NDST4: variants seen among roughly 807,000 people sequenced by gnomAD.
NDST4 encodes N-deacetylase and N-sulfotransferase 4.
Under a neutral mutation model 100.8 loss-of-function variants are expected in NDST4, and 63 were observed. The ratio of observed to expected loss-of-function variants is 0.62; its 90% CI spans 0.51 to 0.77. NDST4 has a LOEUF of 0.77. NDST4 is among the 30% of genes least tolerant of loss of function. NDST4 has a pLI of 0.00. For synonymous variants in NDST4, 377 were observed against 361.8 expected, an observed-to-expected ratio of 1.04 and a Z score of -0.48; for missense variants, 943 against 1,018.4, an observed-to-expected ratio of 0.93 and a Z score of 1.01.
intron 2 of NDST4, among the ~76,000 whole-genome samples, chr4:115,061,319 C>T (rs1291964133): frequency 6.6e-6 from 1 of 152,110 alleles, no homozygotes; most frequent in Non-Finnish European, 1.5e-5. Flanking sequence ...AAGACACATG[C>T]ATACATATGT....
intron 2 of NDST4, among the ~76,000 whole-genome samples, chr4:115,065,415 A>G: frequency 6.6e-6 from 1 of 152,170 alleles, no homozygotes; most frequent in Non-Finnish European, 1.5e-5. Flanking sequence ...CAAGATAGAT[A>G]GTTCTGGGTT....
intron 2 of NDST4, among the ~76,000 whole-genome samples, chr4:114,981,019 C>T (rs1726757476): frequency 6.6e-6 from 1 of 152,146 alleles, no homozygotes; most frequent in East Asian, 1.9e-4. Context: ...CAAAGCCAGC[C>T]TGGGCAACAT....
chr4:114,908,869 A>G (rs941521031), intron 6 of NDST4, among the ~76,000 whole-genome samples: 10 of 152,176 alleles, frequency 6.6e-5, no homozygotes, highest in Non-Finnish European at 1.3e-4. Flanking sequence ...TCATAATTAT[A>G]GTAAGGAAAA....
At chr4:115,028,297 C>T (rs1482773922) in intron 2 of NDST4, among the ~76,000 whole-genome samples, 1 of 152,076 alleles carries the variant, frequency 6.6e-6, no homozygotes, top group Non-Finnish European at 1.5e-5. Context: ...ACAGGATAAA[C>T]ACTCTTAACA....
chr4:114,917,931 T>C (rs1039050440), intron 6 of NDST4, among the ~76,000 whole-genome samples: 1 of 152,178 alleles, frequency 6.6e-6, no homozygotes, highest in African/African-American at 2.4e-5. Flanking sequence ...ATAAATGTCA[T>C]TTATAAATAA....
chr4:114,869,681 C>T (rs1724106450), intron 7 of NDST4, among the ~76,000 whole-genome samples: 1 of 152,116 alleles, frequency 6.6e-6, no homozygotes, highest in African/African-American at 2.4e-5. Flanking sequence ...CTTAATAAAT[C>T]ATCAGAATAT....
intron 10 of NDST4, among the ~76,000 whole-genome samples, chr4:114,840,021 G>A (rs955885965): frequency 1.3e-5 from 2 of 152,078 alleles, no homozygotes. Flanking sequence ...TGTTTCTTGG[G>A]CCACTGTTCC....
At chr4:115,060,971 A>G (rs1728806607) in intron 2 of NDST4, among the ~76,000 whole-genome samples, 1 of 152,132 alleles carries the variant, frequency 6.6e-6, no homozygotes, top group Non-Finnish European at 1.5e-5. Context: ...ACAAATTTAC[A>G]AGAAAAAACA....
chr4:115,011,290 G>T (rs1442314276), intron 2 of NDST4, among the ~76,000 whole-genome samples: 1 of 151,910 alleles, frequency 6.6e-6, no homozygotes, highest in Non-Finnish European at 1.5e-5. Context: ...TGTGCTTCAT[G>T]GCTGTCATGC....
intron 7 of NDST4, among the ~76,000 whole-genome samples, chr4:114,855,147 T>A (rs1723766019): frequency 6.6e-6 from 1 of 152,156 alleles, no homozygotes; most frequent in African/African-American, 2.4e-5. Context: ...TTTTTTCCTA[T>A]AGAGTTGTTT....
chr4:114,901,704 T>C (rs1423110506), intron 6 of NDST4, among the ~76,000 whole-genome samples: 1 of 151,996 alleles, frequency 6.6e-6, no homozygotes. Flanking sequence ...TCTTTGTTTC[T>C]ATTTTTGTCT....
At chr4:114,837,432 C>T (rs545321065) in intron 11 of NDST4, among the ~76,000 whole-genome samples, 1 of 152,060 alleles carries the variant, frequency 6.6e-6, no homozygotes. Flanking sequence ...AACTATAGTA[C>T]AAGGCTACAG....
Position 115,022,391 on chromosome 4 carries a change from T to TATATATATGTGTTCC in NDST4, c.979-45118_979-45117insGGAACACATATATAT, listed in dbSNP as rs1560570068. On this transcript the variant is annotated intron_variant, in intron 2 of 13. Coordinates refer to ENST00000264363, the MANE Select transcript of NDST4 (RefSeq NM_022569.3). ...GTGTTCCATGTACATATGTGTTCCATATATATGTGTTCCATATATATGTGT... is the reference window on the plus strand; with the variant it reads ...GTGTTCCATGTACATATGTGTTCCATATATATATGTGTTCCATATATGTGTTCCATATATATGTGT... 5.1e-4 allele frequency among the ~76,000 whole-genome samples: 61 copies of TATATATATGTGTTCC among 120,406 alleles called. 1 individual carries two copies. Among genetic ancestry groups the TATATATATGTGTTCC allele is most frequent in the Admixed American group, 1.1e-3 (13 of 11,820 alleles). 79.0% of individuals were successfully genotyped at this position (120,406 alleles called of 152,430 possible).
chr4:114,910,297 C>T (rs1355907974), intron 6 of NDST4, among the ~76,000 whole-genome samples: 1 of 152,164 alleles, frequency 6.6e-6, no homozygotes, highest in Admixed American at 6.5e-5. Context: ...ATTCATTCAT[C>T]TCCTCAATTT....
intron 6 of NDST4, among the ~76,000 whole-genome samples, chr4:114,923,284 T>C (rs1346249085): frequency 2.0e-5 from 3 of 152,128 alleles, no homozygotes; most frequent in Non-Finnish European, 4.4e-5. Context: ...TTTCACTGTA[T>C]CTAACTCTGA....
At chr4:114,988,362 T>TTTTTTTTG in intron 2 of NDST4, among the ~76,000 whole-genome samples, 1 of 129,738 alleles carries the variant, frequency 7.7e-6, no homozygotes, top group South Asian at 2.9e-4. Context: ...CTTTTTTTTT[T>TTTTTTTTG]TTTTTTTTTT....
At chr4:114,877,966 A>T (rs900659040) in intron 6 of NDST4, among the ~76,000 whole-genome samples, 22 of 152,036 alleles carry the variant, frequency 1.4e-4, no homozygotes, top group African/African-American at 5.1e-4. Context: ...GAAAAAAAAA[A>T]TAAAGAAGGA....
chr4:114,922,525 C>A (rs1339164677), intron 6 of NDST4, among the ~76,000 whole-genome samples: 2 of 152,142 alleles, frequency 1.3e-5, no homozygotes, highest in African/African-American at 4.8e-5. Flanking sequence ...GCCTGCTTGG[C>A]CCTCTTCCAA....
At chr4:114,992,185 G>A (rs569881348) in intron 2 of NDST4, among the ~76,000 whole-genome samples, 2 of 150,774 alleles carry the variant, frequency 1.3e-5, no homozygotes, top group East Asian at 3.9e-4. Context: ...TCCTTTTTCT[G>A]TTCCAGGATC....
Sources: gnomAD v4.1 joint callset for allele counts (sites outside exome capture counted in the v4.1 genomes callset) on GRCh38, gnomAD v4.1.1 for gene constraint, MANE v1.5 for transcripts, NCBI Gene and HGNC (gene_info 2026-07-23, HGNC 2026-07-21) for gene names.